The following LEF1 variants were observed in gnomAD, a reference collection of about 807,000 sequenced individuals.
The protein encoded by LEF1 is lymphoid enhancer binding factor 1.
Under a neutral mutation model 51.2 loss-of-function variants are expected in LEF1, and 14 were observed. That is an observed-to-expected ratio of 0.27 (90% CI 0.18 to 0.43). The LOEUF (loss-of-function observed/expected upper bound fraction) is 0.43, where lower values mean the gene tolerates loss of function less well. Ranked by LOEUF, LEF1 falls within the 20% of genes least tolerant of loss-of-function variation. The pLI is 1.00. For missense variants in LEF1, 386 were observed against 512.0 expected (o/e 0.75, Z 2.37); for synonymous variants, 185 against 183.2 (o/e 1.01, Z -0.08).
chr4:108,148,245 C>T lies in LEF1; in HGVS notation c.414+15323G>A, dbSNP rs114528692. ...TTTCTGAGTTCTATTCTTAAATAGT[C>T]TTAGGTTACTTAACATGAATGCTCT... On this transcript the variant is annotated intron_variant, in intron 3 of 11. Transcript: ENST00000265165. Among the ~76,000 whole-genome samples the T allele has an allele frequency of 6.8e-3, 1,025 of 150,512 alleles. 11 individuals carry two copies. Among genetic ancestry groups the T allele is most frequent in the African/African-American group, 0.024 (975 of 41,010 alleles).
chr4:108,134,370 T>C (rs1172485493), intron 3 of LEF1, among the ~76,000 whole-genome samples: 10 of 152,336 alleles, frequency 6.6e-5, no homozygotes, highest in Non-Finnish European at 1.3e-4. Flanking sequence ...TTCTAAATTA[T>C]CAACTGACAA....
chr4:108,113,346 G>C (rs1372651151), intron 3 of LEF1, among the ~76,000 whole-genome samples: 1 of 152,144 alleles, frequency 6.6e-6, no homozygotes, highest in Non-Finnish European at 1.5e-5. Flanking sequence ...TTGGGTGGGG[G>C]AAGTGCAGAT....
intron 3 of LEF1, among the ~76,000 whole-genome samples, chr4:108,127,913 C>T (rs1742646078): frequency 6.6e-6 from 1 of 152,106 alleles, no homozygotes; most frequent in African/African-American, 2.4e-5. Context: ...TCCACATGGC[C>T]CTGAATCCTC....
At chr4:108,057,359 T>C (rs1481858100) in intron 11 of LEF1, among the ~76,000 whole-genome samples, 2 of 152,162 alleles carry the variant, frequency 1.3e-5, no homozygotes, top group African/African-American at 2.4e-5. Context: ...AGCAGCTCAC[T>C]GATATTTAAT....
intron 3 of LEF1, among the ~76,000 whole-genome samples, chr4:108,138,913 G>A (rs539263159): frequency 5.3e-5 from 8 of 152,172 alleles, no homozygotes; most frequent in Admixed American, 1.3e-4. Flanking sequence ...GAAGCCACTC[G>A]TAGCAACATC....
chr4:108,149,294 C>A (rs1038657666), intron 3 of LEF1, among the ~76,000 whole-genome samples: 1 of 149,768 alleles, frequency 6.7e-6, no homozygotes, highest in Non-Finnish European at 1.5e-5. Context: ...CCCGCCTCTA[C>A]TAAAAATACA....
At chr4:108,077,824 C>G (rs1291415772) in intron 8 of LEF1, among the ~76,000 whole-genome samples, 1 of 152,198 alleles carries the variant, frequency 6.6e-6, no homozygotes, top group African/African-American at 2.4e-5. Context: ...TCCTGCCCTC[C>G]CCAAGTTTGC....
At position 108,109,224 on chromosome 4, in the gene LEF1, C is replaced by T. The variant is rs573247841; in HGVS notation, c.415-19967G>A. Among the ~76,000 whole-genome samples the T allele has an allele frequency of 2.0e-5, 3 of 152,250 alleles. No individual in the cohort carries two copies. In the East Asian group the frequency reaches 5.8e-4, roughly 29 times the overall value. ...CTCCTTGTAAGGCCATCAACTATTACGTCTCAGTGTTTTTAGCCTGAGCAC... is the reference window on the plus strand; with the variant it reads ...CTCCTTGTAAGGCCATCAACTATTATGTCTCAGTGTTTTTAGCCTGAGCAC... On this transcript the variant is annotated intron_variant, in intron 3 of 11. Transcript: ENST00000265165.
intron 11 of LEF1, among the ~76,000 whole-genome samples, chr4:108,050,918 C>T (rs954943257): frequency 6.6e-6 from 1 of 152,144 alleles, no homozygotes; most frequent in African/African-American, 2.4e-5. Context: ...CAATCTAGAG[C>T]ACCCTGCACT....
chr4:108,161,819 G>C (rs1745071776), intron 3 of LEF1, among the ~76,000 whole-genome samples: 1 of 152,082 alleles, frequency 6.6e-6, no homozygotes, highest in Non-Finnish European at 1.5e-5. Context: ...AGGCTGTTTT[G>C]TGGCTATTTT....
intron 11 of LEF1, among the ~76,000 whole-genome samples, chr4:108,057,203 T>C (rs62313563): frequency 1.3e-5 from 2 of 152,280 alleles, no homozygotes; most frequent in Non-Finnish European, 2.9e-5. Context: ...AAACAGGATG[T>C]CATTTTTTCA....
At chr4:108,094,786 A>G (rs1421937967) in intron 3 of LEF1, among the ~76,000 whole-genome samples, 1 of 152,152 alleles carries the variant, frequency 6.6e-6, no homozygotes, top group Admixed American at 6.5e-5. Flanking sequence ...CACTTCATCA[A>G]CTTATTGAGA....
intron 3 of LEF1, among the ~76,000 whole-genome samples, chr4:108,105,823 T>C (rs1166711752): frequency 6.6e-6 from 1 of 152,182 alleles, no homozygotes; most frequent in Admixed American, 6.5e-5. Context: ...AGATGAAATA[T>C]TCATTTACCT....
intron 3 of LEF1, among the ~76,000 whole-genome samples, chr4:108,123,157 A>G (rs1272682013): frequency 2.0e-5 from 3 of 152,208 alleles, no homozygotes; most frequent in African/African-American, 7.2e-5. Context: ...CACTTCTGCC[A>G]TATGCTGTGG....
At chr4:108,149,124 G>A (rs1418403205) in intron 3 of LEF1, among the ~76,000 whole-genome samples, 3 of 152,196 alleles carry the variant, frequency 2.0e-5, no homozygotes. Context: ...TATGTAAAAA[G>A]TTATCTTAAA....
At chr4:108,073,591 T>C (rs1738637906) in intron 8 of LEF1, among the ~76,000 whole-genome samples, 2 of 152,138 alleles carry the variant, frequency 1.3e-5, no homozygotes, top group Admixed American at 6.5e-5. Flanking sequence ...CAGTATAGTT[T>C]TACGTAACTT....
chr4:108,143,763 A>T (rs981718078), intron 3 of LEF1, among the ~76,000 whole-genome samples: 1 of 152,124 alleles, frequency 6.6e-6, no homozygotes, highest in South Asian at 2.1e-4. Context: ...TCAGCCACCA[A>T]CCTTGAGAGA....
At chr4:108,110,750 T>C (rs1233639599) in intron 3 of LEF1, among the ~76,000 whole-genome samples, 1 of 152,162 alleles carries the variant, frequency 6.6e-6, no homozygotes, top group Non-Finnish European at 1.5e-5. Context: ...AGCTGTAAAA[T>C]GAAGATAATA....
At chr4:108,143,500 C>A (rs1743800153) in intron 3 of LEF1, among the ~76,000 whole-genome samples, 1 of 152,118 alleles carries the variant, frequency 6.6e-6, no homozygotes, top group South Asian at 2.1e-4. Flanking sequence ...TCCCAAGGCC[C>A]CCTTCTAATT....
Sources: gnomAD v4.1 joint callset for allele counts (sites outside exome capture counted in the v4.1 genomes callset) on GRCh38, gnomAD v4.1.1 for gene constraint, MANE v1.5 for transcripts, NCBI Gene and HGNC (gene_info 2026-07-23, HGNC 2026-07-21) for gene names.